Variants in CAAP1 observed in about 807,000 individuals in gnomAD.
CAAP1 encodes caspase activity and apoptosis inhibitor 1.
CAAP1 carries 20 observed loss-of-function variants against 34.0 expected under a neutral mutation model. The ratio of observed to expected loss-of-function variants is 0.59; its 90% CI spans 0.41 to 0.86. CAAP1 has a LOEUF of 0.86. Among genes scored for constraint, CAAP1 ranks in the 40% least tolerant of loss-of-function variants. CAAP1 has a pLI of 0.00. For synonymous variants in CAAP1, 213 were observed against 166.7 expected (o/e 1.28, Z -2.14); for missense variants, 538 against 450.5 (o/e 1.19, Z -1.76).
chr9:26,867,722 T>C (rs1706827211), intron 4 of CAAP1, among the ~76,000 whole-genome samples: 1 of 149,722 alleles, frequency 6.7e-6, no homozygotes, highest in African/African-American at 2.6e-5. Flanking sequence ...ATTATTAAAG[T>C]TATTAGAACT....
chr9:26,870,038 A>ATT, intron 4 of CAAP1: 1 of 570,866 alleles, frequency 1.8e-6, no homozygotes, highest in Non-Finnish European at 2.2e-6. Context: ...AGAAAGAATA[A>ATT]CTTTTTTTTT....
chr9:26,851,336 T>C (rs1208560494), intron 5 of CAAP1, among the ~76,000 whole-genome samples: 5 of 152,106 alleles, frequency 3.3e-5, no homozygotes, highest in African/African-American at 1.2e-4. Context: ...AAGAGGAAAC[T>C]GCAAGTGTGA....
At chr9:26,878,144 A>T (rs1289102177) in intron 4 of CAAP1, among the ~76,000 whole-genome samples, 1 of 152,174 alleles carries the variant, frequency 6.6e-6, no homozygotes, top group African/African-American at 2.4e-5. Context: ...AGTTTAAAAA[A>T]TCATATTTTC....
chr9:26,854,111 T>C (rs961818654), intron 5 of CAAP1, among the ~76,000 whole-genome samples: 2 of 152,256 alleles, frequency 1.3e-5, no homozygotes, highest in Non-Finnish European at 2.9e-5. Flanking sequence ...ACTGCCAGGT[T>C]GATACTGAGG....
intron 5 of CAAP1, among the ~76,000 whole-genome samples, chr9:26,848,003 G>A (rs1296000094): frequency 6.6e-6 from 1 of 152,058 alleles, no homozygotes; most frequent in Non-Finnish European, 1.5e-5. Context: ...TCTAGAGTTT[G>A]TCTTGGCTTA....
chr9:26,865,915 C>T (rs923364815), intron 4 of CAAP1, among the ~76,000 whole-genome samples: 1 of 152,118 alleles, frequency 6.6e-6, no homozygotes, highest in Non-Finnish European at 1.5e-5. Flanking sequence ...GGCACGATCT[C>T]AGCTCATTGC....
chr9:26,891,736 G>C (rs1450081212), intron 1 of CAAP1, among the ~76,000 whole-genome samples: 1 of 152,178 alleles, frequency 6.6e-6, no homozygotes, highest in Non-Finnish European at 1.5e-5. Flanking sequence ...TTAAAAACAC[G>C]TATCTCACGA....
chr9:26,843,659 T>A (rs559818752), intron 5 of CAAP1, among the ~76,000 whole-genome samples: 1 of 152,212 alleles, frequency 6.6e-6, no homozygotes, highest in South Asian at 2.1e-4. Flanking sequence ...AAAGCTTTGA[T>A]AGCGCTTTCC....
chr9:26,861,202 A>C, intron 4 of CAAP1, 63 bp from the exon 5 acceptor site: 1 of 1,220,328 alleles, frequency 8.2e-7, no homozygotes, highest in Non-Finnish European at 1.2e-6. Flanking sequence ...TTTACTACCC[A>C]GGTTCCCAGA....
chr9:26,852,951 T>A (rs1177862836), intron 5 of CAAP1, among the ~76,000 whole-genome samples: 1 of 151,956 alleles, frequency 6.6e-6, no homozygotes, highest in Non-Finnish European at 1.5e-5. Flanking sequence ...ACAGGAGTGT[T>A]TGGAGTGCTA....
chr9:26,887,427 A>G lies in CAAP1; in HGVS notation c.390T>C (p.Thr130=). 1.9e-6 allele frequency: 3 copies of G among 1,613,650 alleles called. No individual in the cohort carries two copies. In the South Asian group the frequency reaches 3.3e-5, roughly 18 times the overall value. The change falls in exon 2 of 6, where the codon ACT becomes ACC. Residue 130 remains threonine, a synonymous_variant. Transcript: ENST00000333916. ...AGAAACTAACTGGTTTCAATGACACAGTCAGGTCCAGTCCACCTTCTTCAA... is the reference window on the plus strand; with the variant it reads ...AGAAACTAACTGGTTTCAATGACACGGTCAGGTCCAGTCCACCTTCTTCAA... The part of the protein sequence containing the change: ...SDLEEGGLDL[T]VSLKPVSFYI...
At chr9:26,874,522 AAACGCTC>A (rs1823374050) in intron 4 of CAAP1, among the ~76,000 whole-genome samples, 1 of 152,118 alleles carries the variant, frequency 6.6e-6, no homozygotes, top group Non-Finnish European at 1.5e-5. Flanking sequence ...TTCTTTACCC[AAACGCTC>A]CCTGTACCCA....
chr9:26,848,296 G>A (rs1822664003), intron 5 of CAAP1, among the ~76,000 whole-genome samples: 1 of 152,280 alleles, frequency 6.6e-6, no homozygotes, highest in African/African-American at 2.4e-5. Flanking sequence ...GGCGGATCAT[G>A]AGGTCAAGAG....
At chr9:26,861,507 G>T (rs1823001644) in intron 4 of CAAP1, among the ~76,000 whole-genome samples, 1 of 152,016 alleles carries the variant, frequency 6.6e-6, no homozygotes, top group African/African-American at 2.4e-5. Flanking sequence ...TGAGCATTTT[G>T]GCACTCAAAT....
intron 5 of CAAP1, among the ~76,000 whole-genome samples, chr9:26,849,964 G>C (rs1034211331): frequency 1.3e-5 from 2 of 151,538 alleles, no homozygotes; most frequent in Non-Finnish European, 2.9e-5. Flanking sequence ...TCAGCCTCGC[G>C]AGTAGCTGGG....
intron 4 of CAAP1, among the ~76,000 whole-genome samples, chr9:26,867,078 G>A (rs1051339352): frequency 2.0e-5 from 3 of 152,276 alleles, no homozygotes; most frequent in Admixed American, 6.5e-5. Flanking sequence ...AAGGGATCTC[G>A]GTTGCATGCT....
Position 26,888,505 on chromosome 9 carries a change from G to A in CAAP1, c.304-992C>T, listed in dbSNP as rs577391980. On this transcript the variant is annotated intron_variant, in intron 1 of 5. Coordinates refer to ENST00000333916, the MANE Select transcript of CAAP1 (RefSeq NM_024828.4). ...CTCTGGAAAATCTTCCCTGACCACA[G>A]AGGTCAGATAGTTGTTTACAAAGCA... Among the ~76,000 whole-genome samples the A allele has an allele frequency of 3.3e-5, 5 of 152,320 alleles. No individual in the cohort carries two copies. The South Asian group carries it at 1.0e-3, about 32-fold the overall frequency.
intron 4 of CAAP1, among the ~76,000 whole-genome samples, chr9:26,877,418 T>C (rs909190519): frequency 6.6e-6 from 1 of 152,192 alleles, no homozygotes; most frequent in Non-Finnish European, 1.5e-5. Context: ...CACCTAACTA[T>C]ACATCTCTCA....
At chr9:26,867,391 A>C (rs564517277) in intron 4 of CAAP1, among the ~76,000 whole-genome samples, 2 of 152,294 alleles carry the variant, frequency 1.3e-5, no homozygotes, top group East Asian at 1.9e-4. Flanking sequence ...AGATACATGC[A>C]AGTGATTGCA....
Sources: gnomAD v4.1 joint callset for allele counts (sites outside exome capture counted in the v4.1 genomes callset) on GRCh38, gnomAD v4.1.1 for gene constraint, MANE v1.5 for transcripts, NCBI Gene and HGNC (gene_info 2026-07-23, HGNC 2026-07-21) for gene names.